The following SDK1 variants were observed in gnomAD, a reference collection of about 807,000 sequenced individuals.
SDK1 encodes sidekick cell adhesion molecule 1.
SDK1 carries 157 observed loss-of-function variants against 245.5 expected under a neutral mutation model. The observed-to-expected ratio is 0.64, with a 90% CI of 0.56 to 0.73. The LOEUF is 0.73. SDK1 is among the 30% of genes least tolerant of loss of function. SDK1 has a pLI of 0.00. For synonymous variants in SDK1, 1,647 were observed against 1,278.5 expected (o/e 1.29, Z -6.15); for missense variants, 3,583 against 3,002.3 (o/e 1.19, Z -4.52).
chr7:3,319,937 A>G (rs1779760125), intron 1 of SDK1, among the ~76,000 whole-genome samples: 1 of 132,522 alleles, frequency 7.5e-6, no homozygotes, highest in Non-Finnish European at 1.6e-5. Context: ...AAGGGAGGGC[A>G]GCTTGATCAT....
At chr7:3,411,755 A>G (rs769361867) in intron 1 of SDK1, among the ~76,000 whole-genome samples, 3 of 152,140 alleles carry the variant, frequency 2.0e-5, no homozygotes, top group Non-Finnish European at 4.4e-5. Context: ...CCACAATTGA[A>G]AAGCTGTTTT....
At chr7:3,362,537 C>G (rs1298008492) in intron 1 of SDK1, among the ~76,000 whole-genome samples, 2 of 152,062 alleles carry the variant, frequency 1.3e-5, no homozygotes, top group African/African-American at 2.4e-5. Context: ...CTTTACAAGC[C>G]TCATTAAAAT....
At chr7:3,891,753 T>C (rs564243630) in intron 5 of SDK1, among the ~76,000 whole-genome samples, 83 of 152,258 alleles carry the variant, frequency 5.5e-4, no homozygotes, top group African/African-American at 1.8e-3. Context: ...GAGCCAATGA[T>C]TGCATCTTTG....
intron 4 of SDK1, among the ~76,000 whole-genome samples, chr7:3,733,463 G>A (rs1234670010): frequency 6.6e-6 from 1 of 152,194 alleles, no homozygotes; most frequent in Non-Finnish European, 1.5e-5. Context: ...GATTCATACA[G>A]TCTTCTATCC....
intron 40 of SDK1, among the ~76,000 whole-genome samples, chr7:4,230,185 G>C: frequency 7.0e-6 from 1 of 141,946 alleles, no homozygotes; most frequent in Non-Finnish European, 1.5e-5. Context: ...GTGGGTGGGT[G>C]GATTGATGGG....
In SDK1 at chr7:3,324,465, C is replaced by T. The variant is rs186833875; in HGVS notation, c.298+22581C>T. Among the ~76,000 whole-genome samples the T allele has an allele frequency of 1.7e-3, 251 of 152,096 alleles. 1 individual carries two copies. The highest frequency in any genetic ancestry group is 5.8e-3 in the African/African-American group (242 of 41,482). ...CCTTTGAAAAGTCGTTACAAAAAGCCGATGTGTAAAATGTTTGGAGGATAG... is the reference window on the plus strand; with the variant it reads ...CCTTTGAAAAGTCGTTACAAAAAGCTGATGTGTAAAATGTTTGGAGGATAG... On this transcript the variant is annotated intron_variant, in intron 1 of 44. Coordinates refer to ENST00000404826, the MANE Select transcript of SDK1 (RefSeq NM_152744.4).
chr7:3,470,246 G>A (rs377604773), intron 1 of SDK1, among the ~76,000 whole-genome samples: 5 of 152,030 alleles, frequency 3.3e-5, no homozygotes, highest in Non-Finnish European at 7.4e-5. Flanking sequence ...TGCACAGAAT[G>A]CTTATTTTCT....
chr7:4,037,321 C>T (rs1467259035), intron 17 of SDK1, among the ~76,000 whole-genome samples: 1 of 152,068 alleles, frequency 6.6e-6, no homozygotes, highest in East Asian at 1.9e-4. Context: ...CTGAATCTCT[C>T]AAAAGAAATT....
intron 1 of SDK1, among the ~76,000 whole-genome samples, chr7:3,544,595 A>G (rs925822823): frequency 2.0e-5 from 3 of 152,260 alleles, no homozygotes; most frequent in Non-Finnish European, 2.9e-5. Flanking sequence ...TTTAACATCT[A>G]CAAGTTCAAC....
chr7:3,867,002 T>G (rs751505925), intron 5 of SDK1, among the ~76,000 whole-genome samples: 2 of 152,162 alleles, frequency 1.3e-5, no homozygotes, highest in Admixed American at 6.5e-5. Context: ...TCTGGCAGGT[T>G]AACAACAAAG....
intron 4 of SDK1, among the ~76,000 whole-genome samples, chr7:3,707,563 T>C (rs911750477): frequency 5.9e-5 from 9 of 152,204 alleles, no homozygotes; most frequent in African/African-American, 2.2e-4. Flanking sequence ...ATCTGTTAGG[T>C]CCATTTGTTC....
chr7:3,960,301 C>G (rs1042627417), intron 8 of SDK1, among the ~76,000 whole-genome samples: 2 of 152,222 alleles, frequency 1.3e-5, no homozygotes, highest in African/African-American at 4.8e-5. Context: ...GGGTACCTAA[C>G]TTACCTAGGT....
At chr7:3,949,233 C>T (rs1321446471) in intron 5 of SDK1, among the ~76,000 whole-genome samples, 1 of 152,204 alleles carries the variant, frequency 6.6e-6, no homozygotes, top group Non-Finnish European at 1.5e-5. Context: ...GGGTGAGAGT[C>T]ACCCTCACAT....
intron 1 of SDK1, among the ~76,000 whole-genome samples, chr7:3,400,162 G>A (rs965517108): frequency 2.0e-5 from 3 of 151,636 alleles, no homozygotes; most frequent in Non-Finnish European, 3.0e-5. Flanking sequence ...TGTTAGGGAG[G>A]CTGCTGGTTC....
chr7:3,587,830 C>A (rs937415555), intron 1 of SDK1, among the ~76,000 whole-genome samples: 2 of 152,246 alleles, frequency 1.3e-5, no homozygotes, highest in South Asian at 4.1e-4. Flanking sequence ...CTCTCCACAT[C>A]TAAATTGTAA....
intron 1 of SDK1, among the ~76,000 whole-genome samples, chr7:3,613,277 T>C (rs1180315991): frequency 6.6e-6 from 1 of 152,184 alleles, no homozygotes; most frequent in Non-Finnish European, 1.5e-5. Flanking sequence ...ATTTTTCCTC[T>C]GCAGATAGAT....
At chr7:3,308,784 C>A (rs1276004107) in intron 1 of SDK1, among the ~76,000 whole-genome samples, 1 of 152,014 alleles carries the variant, frequency 6.6e-6, no homozygotes, top group Non-Finnish European at 1.5e-5. Flanking sequence ...CTTTCTATAA[C>A]TCTCCATGGT....
chr7:4,066,894 T>G (rs1180789659), intron 19 of SDK1, among the ~76,000 whole-genome samples: 1 of 152,202 alleles, frequency 6.6e-6, no homozygotes, highest in East Asian at 1.9e-4. Context: ...TTTGCTGAGC[T>G]GCACCTGCAT....
intron 5 of SDK1, among the ~76,000 whole-genome samples, chr7:3,821,807 A>G (rs1288479457): frequency 6.6e-6 from 1 of 152,148 alleles, no homozygotes; most frequent in Non-Finnish European, 1.5e-5. Context: ...TCTGAATGCC[A>G]GATCTTTTTT....
Sources: allele counts gnomAD v4.1 joint callset (sites outside exome capture counted in the v4.1 genomes callset), GRCh38; gene constraint gnomAD v4.1.1; transcripts MANE v1.5; gene names NCBI Gene and HGNC (gene_info 2026-07-23, HGNC 2026-07-21).